The following ZNF536 variants were observed in gnomAD, a reference collection of about 807,000 sequenced individuals.
ZNF536 encodes the protein zinc finger protein 536.
Under a neutral mutation model 84.5 loss-of-function variants are expected in ZNF536, and 13 were observed. The observed-to-expected ratio is 0.15, with a 90% CI of 0.10 to 0.24. The LOEUF is 0.24. ZNF536 is among the 10% of genes least tolerant of loss of function. The probability of loss-of-function intolerance (pLI) is 1.00; values close to 1 mark genes in which losing one functional copy is unlikely to be tolerated. For missense variants in ZNF536, 1,536 were observed against 1,747.5 expected (o/e 0.88, Z 2.16); for synonymous variants, 811 against 742.5 (o/e 1.09, Z -1.50).
intron 4 of ZNF536, among the ~76,000 whole-genome samples, chr19:30,553,104 C>T (rs1396660222): frequency 1.3e-5 from 2 of 152,182 alleles, no homozygotes; most frequent in East Asian, 1.9e-4. Flanking sequence ...CCAGTGCCAT[C>T]GGAGAATTTG....
At chr19:30,688,515 T>C (rs1048782057) in intron 1 of ZNF536, among the ~76,000 whole-genome samples, 1 of 152,236 alleles carries the variant, frequency 6.6e-6, no homozygotes, top group African/African-American at 2.4e-5. Flanking sequence ...TAGAATATTC[T>C]TAATACAGCG....
intron 1 of ZNF536, among the ~76,000 whole-genome samples, chr19:30,282,729 T>C (rs924445793): frequency 1.3e-5 from 2 of 152,064 alleles, no homozygotes; most frequent in Non-Finnish European, 2.9e-5. Flanking sequence ...AAGTGTAGCA[T>C]TGGGCATTTG....
At chr19:30,235,301 C>T (rs757232329) in intron 1 of ZNF536, among the ~76,000 whole-genome samples, 16 of 152,206 alleles carry the variant, frequency 1.1e-4, no homozygotes, top group African/African-American at 7.2e-5. Flanking sequence ...GCCCAGGAGG[C>T]GCGTGTCTCA....
intron 1 of ZNF536, among the ~76,000 whole-genome samples, chr19:30,281,295 A>G (rs2045435134): frequency 6.6e-6 from 1 of 152,134 alleles, no homozygotes; most frequent in Non-Finnish European, 1.5e-5. Context: ...ATGGCCATTC[A>G]GCCTTCCCTT....
chr19:30,516,264 C>A (rs1010141636), intron 2 of ZNF536, among the ~76,000 whole-genome samples: 1 of 152,138 alleles, frequency 6.6e-6, no homozygotes, highest in Non-Finnish European at 1.5e-5. Context: ...GACCCAGGTG[C>A]CTCCTTTGCC....
intron 1 of ZNF536, among the ~76,000 whole-genome samples, chr19:30,624,890 A>C (rs1469740693): frequency 6.6e-6 from 1 of 152,128 alleles, no homozygotes; most frequent in African/African-American, 2.4e-5. Context: ...TGAGGGTTTT[A>C]TAAGTGTTTG....
intron 2 of ZNF536, among the ~76,000 whole-genome samples, chr19:30,504,191 A>G (rs2055062928): frequency 6.6e-6 from 1 of 151,836 alleles, no homozygotes; most frequent in Non-Finnish European, 1.5e-5. Context: ...TTTAAGAGGT[A>G]GATACTATTC....
At chr19:30,494,970 A>T (rs1358226082) in intron 2 of ZNF536, among the ~76,000 whole-genome samples, 1 of 147,934 alleles carries the variant, frequency 6.8e-6, no homozygotes, top group Non-Finnish European at 1.5e-5. Flanking sequence ...AAAAAAAAAA[A>T]GCCCCCTCAG....
intron 2 of ZNF536, among the ~76,000 whole-genome samples, chr19:30,457,050 A>C (rs917834011): frequency 1.3e-5 from 2 of 151,460 alleles, no homozygotes; most frequent in East Asian, 1.9e-4. Flanking sequence ...TCAAAAAAAA[A>C]AAAAAACAAA....
At position 30,444,808 on chromosome 19, in the gene ZNF536, G is replaced by T; in HGVS notation, c.1246G>T (p.Gly416Cys). The T allele has an allele frequency of 6.2e-7, 1 of 1,613,880 alleles. No homozygotes were observed. The highest frequency in any genetic ancestry group is 8.5e-7 in the Non-Finnish European group (1 of 1,180,042). Residue 416 changes from glycine to cysteine, a missense_variant, in exon 2 of 5, where the codon GGC becomes TGC. Physicochemically the swap from Gly to Cys is radical, Grantham distance 159. Transcript: ENST00000355537. The stretch of plus-strand genomic sequence containing the variant: ...CGACCCCGAGGTGCCTGTGCCCATG[G>T]GCGGCATGTCCCAGGAGGCCCACGC... ...PSDPEVPVPM[G>C]GMSQEAHANL...
intron 1 of ZNF536, among the ~76,000 whole-genome samples, chr19:30,613,974 T>C (rs919927588): frequency 8.5e-5 from 13 of 152,224 alleles, no homozygotes; most frequent in Non-Finnish European, 1.0e-4. Flanking sequence ...GCGATTCTTC[T>C]GTCTCAGCCT....
intron 1 of ZNF536, among the ~76,000 whole-genome samples, chr19:30,654,840 A>G (rs937027482): frequency 1.5e-5 from 2 of 129,148 alleles, no homozygotes; most frequent in African/African-American, 2.9e-5. Flanking sequence ...CCCCCCACAC[A>G]CCCCCCCATG....
chr19:30,709,632 G>C (rs2052383151), intron 1 of ZNF536, among the ~76,000 whole-genome samples: 1 of 152,138 alleles, frequency 6.6e-6, no homozygotes, highest in Non-Finnish European at 1.5e-5. Context: ...TTGTTTGTTT[G>C]TTCTTTGTGT....
chr19:30,518,807 G>A (rs1395703662), intron 2 of ZNF536, among the ~76,000 whole-genome samples: 1 of 152,166 alleles, frequency 6.6e-6, no homozygotes, highest in Admixed American at 6.5e-5. Context: ...CCATGGAAGT[G>A]AGCCTTAGCA....
rs113039356 is a variant in ZNF536 at position 30,556,960 on chromosome 19, G to A, written c.3896-197G>A. On this transcript the variant is annotated intron_variant, in intron 4 of 4. Coordinates refer to ENST00000355537, the MANE Select transcript of ZNF536 (RefSeq NM_014717.3). ...TAGTGCTGATCAACAGCACCTCTAC[G>A]TCTAATTGCCAACCTGCCCTAATCA... 4,304 of 589,172 alleles carry A rather than the reference G, an allele frequency of 7.3e-3. 146 individuals are homozygous for A. The African/African-American group carries it at 0.079, about 11-fold the overall frequency. 36.5% of individuals were successfully genotyped at this position (589,172 alleles called of 1,614,324 possible). A position where few individuals can be genotyped will look rare whatever the true frequency, so the allele number is the denominator to read the frequency against.
intron 1 of ZNF536, among the ~76,000 whole-genome samples, chr19:30,680,387 A>T (rs1451862035): frequency 7.0e-6 from 1 of 142,100 alleles, no homozygotes; most frequent in African/African-American, 2.7e-5. Flanking sequence ...TATCTCCTAA[A>T]GCTATCCCTC....
At chr19:30,468,804 A>C (rs1000660166) in intron 2 of ZNF536, among the ~76,000 whole-genome samples, 3 of 151,974 alleles carry the variant, frequency 2.0e-5, no homozygotes, top group Non-Finnish European at 4.4e-5. Context: ...GATGGTGTGG[A>C]CCCTGAGATC....
chr19:30,687,173 G>C (rs549130075), intron 1 of ZNF536, among the ~76,000 whole-genome samples: 2 of 152,190 alleles, frequency 1.3e-5, no homozygotes, highest in Non-Finnish European at 2.9e-5. Context: ...TGCCTGGGCC[G>C]GGGAACTTCC....
intron 1 of ZNF536, among the ~76,000 whole-genome samples, chr19:30,682,452 G>A (rs956288023): frequency 6.6e-6 from 1 of 152,174 alleles, no homozygotes; most frequent in Non-Finnish European, 1.5e-5. Flanking sequence ...TGCACGACCA[G>A]CCGCATCGAG....
Sources: gnomAD v4.1 joint callset for allele counts (sites outside exome capture counted in the v4.1 genomes callset) on GRCh38, gnomAD v4.1.1 for gene constraint, MANE v1.5 for transcripts, NCBI Gene and HGNC (gene_info 2026-07-23, HGNC 2026-07-21) for gene names.